The following EZH1 variants were observed in gnomAD, a reference collection of about 807,000 sequenced individuals.
EZH1 encodes histone-lysine N-methyltransferase EZH1.
EZH1 carries 33 observed loss-of-function variants against 100.5 expected under a neutral mutation model. That is an observed-to-expected ratio of 0.33 (90% CI 0.25 to 0.44). The LOEUF is 0.44. EZH1 is among the 20% of genes least tolerant of loss of function. The probability of loss-of-function intolerance (pLI) is 1.00; values close to 1 mark genes in which losing one functional copy is unlikely to be tolerated. For synonymous variants in EZH1, 272 were observed against 313.8 expected (o/e 0.87, Z 1.41); for missense variants, 475 against 928.4 (o/e 0.51, Z 6.35).
intron 12 of EZH1, 140 bp downstream of exon 12, chr17:42,712,149 G>T: frequency 2.3e-6 from 2 of 882,612 alleles, no homozygotes; most frequent in South Asian, 3.6e-5. Context: ...GAAACTCACA[G>T]AAGCACAGGC....
intron 1 of EZH1, among the ~76,000 whole-genome samples, chr17:42,738,245 A>G (rs1356373717): frequency 1.3e-5 from 2 of 151,772 alleles, no homozygotes; most frequent in African/African-American, 2.4e-5. Context: ...TCAGAATACA[A>G]AAGTTCCAAA....
At chr17:42,707,001 C>T (rs2053367308) in intron 15 of EZH1, among the ~76,000 whole-genome samples, 1 of 152,140 alleles carries the variant, frequency 6.6e-6, no homozygotes, top group Non-Finnish European at 1.5e-5. Context: ...CCAAGTTCTG[C>T]AAGCTGTGGG....
intron 13 of EZH1, 113 bp downstream of exon 13, chr17:42,709,733 C>G: frequency 1.0e-6 from 1 of 953,604 alleles, no homozygotes; most frequent in Non-Finnish European, 1.6e-6. Flanking sequence ...CTGATGGGCT[C>G]ACACAGCCTG....
intron 20 of EZH1, 125 bp downstream of exon 20, chr17:42,702,752 A>AG: frequency 7.9e-7 from 1 of 1,271,944 alleles, no homozygotes; most frequent in Non-Finnish European, 1.1e-6. Context: ...CAAGGGACAC[A>AG]GCCTTATTCA....
chr17:42,741,554 T>C (rs998128903), intron 1 of EZH1, among the ~76,000 whole-genome samples: 2 of 152,220 alleles, frequency 1.3e-5, no homozygotes, highest in East Asian at 1.9e-4. Context: ...CAGAAAAAGA[T>C]ATACTTAATG....
intron 4 of EZH1, among the ~76,000 whole-genome samples, chr17:42,725,084 T>C (rs2053791394): frequency 6.6e-6 from 1 of 151,938 alleles, no homozygotes; most frequent in Admixed American, 6.6e-5. Context: ...GGAGAATTGC[T>C]TGAACCTGGG....
chr17:42,727,511 G>T, intron 4 of EZH1, 124 bp downstream of exon 4: 1 of 1,180,090 alleles, frequency 8.5e-7, no homozygotes, highest in Non-Finnish European at 1.2e-6. Context: ...CCAAATAGCT[G>T]GGAATACTTG....
intron 7 of EZH1, among the ~76,000 whole-genome samples, 167 bp downstream of exon 7, chr17:42,720,106 C>A (rs1175424181): frequency 6.6e-6 from 1 of 152,156 alleles, no homozygotes; most frequent in African/African-American, 2.4e-5. Flanking sequence ...TTCTTCTTCA[C>A]CCAAGTCACA....
At chr17:42,729,450 C>T (rs2053892555) in intron 2 of EZH1, among the ~76,000 whole-genome samples, 1 of 151,920 alleles carries the variant, frequency 6.6e-6, no homozygotes, top group African/African-American at 2.4e-5. Flanking sequence ...ACAAGAAGTC[C>T]AGGCACGGTG....
chr17:42,703,242 T>C, intron 19 of EZH1: 1 of 367,620 alleles, frequency 2.7e-6, no homozygotes. Flanking sequence ...TGGCATGATC[T>C]TGGCTCATTG....
intron 15 of EZH1, 125 bp downstream of exon 15, chr17:42,707,833 C>G (rs1055984004): frequency 3.3e-6 from 4 of 1,197,698 alleles, no homozygotes; most frequent in Non-Finnish European, 4.8e-6. Flanking sequence ...TTGTAGAATC[C>G]CTAAAACACA....
intron 14 of EZH1, 98 bp downstream of exon 14, chr17:42,708,778 G>T: frequency 7.6e-7 from 1 of 1,310,690 alleles, no homozygotes; most frequent in Non-Finnish European, 1.1e-6. Flanking sequence ...TGCGGAAGTG[G>T]CACAGGGTCA....
intron 19 of EZH1, chr17:42,703,331 C>T (rs916259432): frequency 8.5e-5 from 25 of 294,534 alleles, no homozygotes; most frequent in African/African-American, 4.5e-4. Context: ...CACACCACCA[C>T]GCCCCCCAGC....
At chr17:42,740,268 T>A (rs1461791647) in intron 1 of EZH1, among the ~76,000 whole-genome samples, 1 of 146,692 alleles carries the variant, frequency 6.8e-6, no homozygotes, top group Non-Finnish European at 1.5e-5. Flanking sequence ...TGAAACGGAG[T>A]CTTGCTCTGT....
intron 1 of EZH1, among the ~76,000 whole-genome samples, chr17:42,740,749 G>T (rs780301451): frequency 6.6e-6 from 1 of 152,194 alleles, no homozygotes; most frequent in Non-Finnish European, 1.5e-5. Flanking sequence ...ATACTGTACT[G>T]TATTTAGTGC....
intron 14 of EZH1, 141 bp from the exon 15 acceptor site, chr17:42,708,224 G>A: frequency 2.1e-6 from 2 of 972,580 alleles, no homozygotes; most frequent in Non-Finnish European, 2.9e-6. Context: ...GAAGTGAGAA[G>A]ACAGGGATGA....
At chr17:42,740,684 T>C (rs984719457) in intron 1 of EZH1, among the ~76,000 whole-genome samples, 6 of 152,242 alleles carry the variant, frequency 3.9e-5, no homozygotes, top group African/African-American at 1.2e-4. Flanking sequence ...AGCAATCTCC[T>C]AACAGGCTAG....
intron 6 of EZH1, 111 bp downstream of exon 6, chr17:42,722,684 C>A: frequency 1.0e-6 from 1 of 989,602 alleles, no homozygotes; most frequent in African/African-American, 1.7e-5. Context: ...AAATATTCTG[C>A]AGTGTGTACC....
rs1205688200 is a variant in EZH1 at position 42,710,629 on chromosome 17, G to GT, written c.1402-693dup. Among the ~76,000 whole-genome samples the GT allele has an allele frequency of 8.8e-3, 1,237 of 139,944 alleles. 17 individuals carry two copies. Among genetic ancestry groups the GT allele is most frequent in the African/African-American group, 0.022 (823 of 37,940 alleles). The allele number at this position is 139,944 out of a possible 152,430, so 91.8% of individuals were successfully genotyped here. ...TCAGCTCATGGTTCTGTTTTTGTTT[G>GT]TTTTTTTTTTTTTTTTTTAAGAGAG... On this transcript the variant is annotated intron_variant, in intron 12 of 20. Transcript: ENST00000428826.
Sources: allele counts gnomAD v4.1 joint callset (sites outside exome capture counted in the v4.1 genomes callset), GRCh38; gene constraint gnomAD v4.1.1; transcripts MANE v1.5; gene names NCBI Gene and HGNC (gene_info 2026-07-23, HGNC 2026-07-21).